The following PDE4B variants were observed in gnomAD, a reference collection of about 807,000 sequenced individuals.
The protein encoded by PDE4B is phosphodiesterase 4B.
Under a neutral mutation model 82.2 loss-of-function variants are expected in PDE4B, and 20 were observed. That is an observed-to-expected ratio of 0.24 (90% confidence interval 0.17 to 0.35). The LOEUF (loss-of-function observed/expected upper bound fraction) is 0.35, where lower values mean the gene tolerates loss of function less well. PDE4B is among the 10% of genes least tolerant of loss of function. The pLI, the probability that PDE4B is intolerant of heterozygous loss-of-function variation, is 1.00. For missense variants in PDE4B, 655 were observed against 907.2 expected, an observed-to-expected ratio of 0.72 and a Z score of 3.57; for synonymous variants, 320 against 318.9, an observed-to-expected ratio of 1.00 and a Z score of -0.04.
chr1:66,031,651 T>C (rs1323688465), intron 3 of PDE4B, among the ~76,000 whole-genome samples: 1 of 152,196 alleles, frequency 6.6e-6, no homozygotes, highest in Non-Finnish European at 1.5e-5. Context: ...AGAATTGTGT[T>C]TTTTCCATAC....
intron 1 of PDE4B, among the ~76,000 whole-genome samples, chr1:65,885,318 C>T (rs1322394793): frequency 6.6e-6 from 1 of 152,154 alleles, no homozygotes; most frequent in East Asian, 1.9e-4. Flanking sequence ...CCTCAAGTAT[C>T]TAGAACTAGA....
At chr1:66,035,658 T>C (rs1036395455) in intron 3 of PDE4B, among the ~76,000 whole-genome samples, 2 of 152,222 alleles carry the variant, frequency 1.3e-5, no homozygotes, top group African/African-American at 2.4e-5. Flanking sequence ...AATGACAGAA[T>C]TTCCTGTTTT....
chr1:66,155,409 A>G (rs950186108), intron 3 of PDE4B, among the ~76,000 whole-genome samples: 18 of 152,104 alleles, frequency 1.2e-4, no homozygotes, highest in African/African-American at 4.3e-4. Flanking sequence ...TCATGATTTC[A>G]GATTCAAAAA....
intron 7 of PDE4B, among the ~76,000 whole-genome samples, chr1:66,305,006 A>G (rs2101848619): frequency 1.3e-5 from 2 of 152,260 alleles, no homozygotes; most frequent in East Asian, 3.9e-4. Flanking sequence ...AGTGAACATG[A>G]CAGTGAATGC....
intron 1 of PDE4B, among the ~76,000 whole-genome samples, chr1:65,876,499 C>A (rs3009865): frequency 1 from 152,065 of 152,220 alleles, 75,955 homozygotes; most frequent in Non-Finnish European, 1. Context: ...AAATTAGAAA[C>A]ATAAAATGGA....
rs944146719 is a variant in PDE4B, at chr1:66,017,682, C to T, written c.281+98847C>T. Among the ~76,000 whole-genome samples, 147 of 152,072 alleles carry T rather than the reference C, an allele frequency of 9.7e-4. 1 individual carries two copies. Among genetic ancestry groups the T allele is most frequent in the Non-Finnish European group, 1.8e-3 (125 of 68,006 alleles). On this transcript the variant is annotated intron_variant, in intron 3 of 16. Transcript: ENST00000341517. ...GGAACCAGAATATTTTTAAATAAAA[C>T]AAGTCATTTATTCCTGGAATAAGTC... is the stretch of plus-strand genomic sequence containing the variant.
chr1:66,133,927 T>A (rs1347735887), intron 3 of PDE4B, among the ~76,000 whole-genome samples: 1 of 151,978 alleles, frequency 6.6e-6, no homozygotes, highest in Non-Finnish European at 1.5e-5. Context: ...ATTTCTCCCC[T>A]GGGAGACAAG....
chr1:65,830,323 TA>T (rs1371198935), intron 1 of PDE4B, among the ~76,000 whole-genome samples: 4 of 152,150 alleles, frequency 2.6e-5, no homozygotes, highest in Non-Finnish European at 4.4e-5. Flanking sequence ...TTGTCTCCTC[TA>T]GGGGGTCAAG....
intron 1 of PDE4B, among the ~76,000 whole-genome samples, chr1:65,801,769 T>C (rs760764266): frequency 3.3e-5 from 5 of 152,196 alleles, no homozygotes; most frequent in Non-Finnish European, 7.3e-5. Flanking sequence ...TGAAAATAAT[T>C]GTTTTCCCCA....
intron 3 of PDE4B, among the ~76,000 whole-genome samples, chr1:66,025,328 A>G (rs1022773319): frequency 1.3e-5 from 2 of 152,196 alleles, no homozygotes; most frequent in African/African-American, 2.4e-5. Flanking sequence ...AAAGTACTAT[A>G]GAAGTAAAAC....
chr1:65,795,093 G>A (rs1645615977), intron 1 of PDE4B, among the ~76,000 whole-genome samples: 1 of 152,130 alleles, frequency 6.6e-6, no homozygotes, highest in African/African-American at 2.4e-5. Flanking sequence ...CTAGAGACAG[G>A]TATTTAAGTA....
At chr1:65,860,361 G>C (rs2801580) in intron 1 of PDE4B, among the ~76,000 whole-genome samples, 80,247 of 151,948 alleles carry the variant, frequency 0.53, 21,416 homozygotes, top group Non-Finnish European at 0.57. Flanking sequence ...TCATGCCCTT[G>C]CAAAGGACAT....
At chr1:66,011,392 G>A (rs565282308) in intron 3 of PDE4B, among the ~76,000 whole-genome samples, 11 of 152,176 alleles carry the variant, frequency 7.2e-5, no homozygotes, top group African/African-American at 2.6e-4. Flanking sequence ...CAATGGAAAT[G>A]AAAAGGACAC....
intron 7 of PDE4B, chr1:66,266,868 A>G: frequency 3.0e-6 from 1 of 334,498 alleles, no homozygotes; most frequent in South Asian, 2.4e-5. Flanking sequence ...ATTTGAGAAA[A>G]ACCACAGGAG....
intron 3 of PDE4B, among the ~76,000 whole-genome samples, chr1:66,027,986 A>T (rs973670421): frequency 6.6e-6 from 1 of 152,108 alleles, no homozygotes; most frequent in African/African-American, 2.4e-5. Context: ...TGTCTGGAGG[A>T]TGGTGGCCCT....
chr1:65,827,509 A>T (rs1646032568), intron 1 of PDE4B, among the ~76,000 whole-genome samples: 1 of 152,180 alleles, frequency 6.6e-6, no homozygotes, highest in African/African-American at 2.4e-5. Flanking sequence ...GAATACCTTC[A>T]ACTGACTCAC....
At chr1:65,936,238 C>T (rs1569745903) in intron 3 of PDE4B, among the ~76,000 whole-genome samples, 1 of 152,058 alleles carries the variant, frequency 6.6e-6, no homozygotes, top group East Asian at 1.9e-4. Context: ...TCTGGAATAC[C>T]TCCTGAAGGA....
intron 3 of PDE4B, among the ~76,000 whole-genome samples, chr1:66,220,791 T>C (rs987525271): frequency 7.9e-5 from 12 of 152,074 alleles, no homozygotes; most frequent in African/African-American, 2.7e-4. Context: ...ATAACATTGA[T>C]TGGAATTGAT....
At chr1:66,133,560 C>A (rs1026944233) in intron 3 of PDE4B, among the ~76,000 whole-genome samples, 4 of 152,198 alleles carry the variant, frequency 2.6e-5, no homozygotes, top group African/African-American at 7.2e-5. Context: ...GAATATAGGA[C>A]AACCTTGTCT....
Sources: allele counts gnomAD v4.1 joint callset (sites outside exome capture counted in the v4.1 genomes callset), GRCh38; gene constraint gnomAD v4.1.1; transcripts MANE v1.5; gene names NCBI Gene and HGNC (gene_info 2026-07-23, HGNC 2026-07-21).